Variants in CDH4 observed in about 807,000 individuals in gnomAD.
The protein encoded by CDH4 is cadherin-4.
In CDH4, 33 loss-of-function variants were observed where a neutral mutation model predicts 86.0. That is an observed-to-expected ratio of 0.38 (90% confidence interval 0.29 to 0.51). CDH4 has a LOEUF of 0.51. CDH4 is among the 20% of genes least tolerant of loss of function. The probability of loss-of-function intolerance (pLI) is 0.86; values close to 1 mark genes in which losing one functional copy is unlikely to be tolerated. For synonymous variants in CDH4, 555 were observed against 549.4 expected, an observed-to-expected ratio of 1.01 and a Z score of -0.14; for missense variants, 1,114 against 1,307.4, an observed-to-expected ratio of 0.85 and a Z score of 2.28.
chr20:61,820,426 C>T (rs1463433443), intron 4 of CDH4, among the ~76,000 whole-genome samples: 1 of 152,232 alleles, frequency 6.6e-6, no homozygotes, highest in Admixed American at 6.5e-5. Context: ...CACCTCAAGG[C>T]CTTCACATTC....
chr20:61,354,293 C>T (rs946054742), intron 2 of CDH4, among the ~76,000 whole-genome samples: 1 of 152,168 alleles, frequency 6.6e-6, no homozygotes, highest in Non-Finnish European at 1.5e-5. Flanking sequence ...GACAGTCCTC[C>T]TGGATCCCCC....
chr20:61,337,087 T>A (rs1743559335), intron 2 of CDH4, among the ~76,000 whole-genome samples: 1 of 152,002 alleles, frequency 6.6e-6, no homozygotes, highest in East Asian at 2.0e-4. Context: ...TTCTTAGCTG[T>A]GATGTTCCTG....
At chr20:61,266,126 G>A (rs142020991) in intron 2 of CDH4, among the ~76,000 whole-genome samples, 198 of 152,240 alleles carry the variant, frequency 1.3e-3, no homozygotes, top group African/African-American at 4.5e-3. Context: ...CCAGAGTGCC[G>A]CCCGCACCTT....
chr20:61,438,848 T>C (rs6062001), intron 2 of CDH4, among the ~76,000 whole-genome samples: 25,884 of 151,604 alleles, frequency 0.17, 2,299 homozygotes, highest in African/African-American at 0.18. Context: ...TCAATAAGAT[T>C]CCCAAAATCA....
At chr20:61,564,048 G>A (rs1229656633) in intron 2 of CDH4, among the ~76,000 whole-genome samples, 2 of 151,892 alleles carry the variant, frequency 1.3e-5, no homozygotes, top group Admixed American at 6.6e-5. Flanking sequence ...CCTCTCTGTC[G>A]TCACTGCCCT....
At chr20:61,739,466 A>G (rs73152121) in intron 2 of CDH4, among the ~76,000 whole-genome samples, 6,594 of 152,318 alleles carry the variant, frequency 0.043, 242 homozygotes, top group Non-Finnish European at 0.068. Context: ...GTACGAAGCC[A>G]GGGAATGAAA....
At chr20:61,503,142 G>A (rs2085716613) in intron 2 of CDH4, among the ~76,000 whole-genome samples, 1 of 152,216 alleles carries the variant, frequency 6.6e-6, no homozygotes, top group South Asian at 2.1e-4. Flanking sequence ...GGGTTGGGCT[G>A]CAAATGTCCT....
At chr20:61,489,360 G>A (rs1392048977) in intron 2 of CDH4, among the ~76,000 whole-genome samples, 1 of 151,860 alleles carries the variant, frequency 6.6e-6, no homozygotes, top group African/African-American at 2.4e-5. Context: ...GCCATTACTT[G>A]GGTCAGCATT....
chr20:61,333,372 A>C (rs2084595923), intron 2 of CDH4, among the ~76,000 whole-genome samples: 1 of 152,210 alleles, frequency 6.6e-6, no homozygotes. Context: ...ACCTCAATTC[A>C]GACATTGCAG....
Position 61,778,839 on chromosome 20 carries a change from G to A in CDH4, c.576+5657G>A, listed in dbSNP as rs979851727. ...GGAGCAGCATTTAAAAGGTTAGCAG[G>A]ACGCCCTCCCTGGTCCAGAATTCTG... On this transcript the variant is annotated intron_variant, in intron 4 of 15. Transcript: ENST00000614565. 2.6e-5 allele frequency among the ~76,000 whole-genome samples: 4 copies of A among 152,200 alleles called. 1 individual carries two copies. Among genetic ancestry groups the A allele is most frequent in the Admixed American group, 2.6e-4 (4 of 15,284 alleles).
intron 2 of CDH4, among the ~76,000 whole-genome samples, chr20:61,690,643 G>T (rs200678945): frequency 6.6e-6 from 1 of 152,078 alleles, no homozygotes; most frequent in Admixed American, 6.5e-5. Context: ...TTGGAGGACG[G>T]GGGGAGTTTC....
At position 61,940,543 on chromosome 20, in the gene CDH4, C is replaced by A. The variant is rs2055252215; in HGVS notation, c.*3600C>A. 6.6e-6 allele frequency: 1 copy of A among 152,130 alleles called. No individual in the cohort carries two copies. Among genetic ancestry groups the A allele is most frequent in the African/African-American group, 2.4e-5 (1 of 41,406 alleles). 9.4% of individuals were successfully genotyped at this position (152,130 alleles called of 1,614,324 possible). A position where few individuals can be genotyped will look rare whatever the true frequency, so the allele number is the denominator to read the frequency against. On this transcript the variant is annotated 3_prime_UTR_variant, in exon 16 of 16. Transcript: ENST00000614565. Reference sequence around the variant, plus strand: ...CAGTCTTGGTCCTGAACTCAGTAGACCCTTGCGGAGCGGTTGTGCGCGGGC... The same window carrying A: ...CAGTCTTGGTCCTGAACTCAGTAGAACCTTGCGGAGCGGTTGTGCGCGGGC...
intron 2 of CDH4, among the ~76,000 whole-genome samples, chr20:61,414,827 C>A (rs2085138035): frequency 6.6e-6 from 1 of 152,208 alleles, no homozygotes; most frequent in African/African-American, 2.4e-5. Flanking sequence ...GCAGAGCCAG[C>A]CTGCCTCCTC....
In CDH4 at chr20:61,852,802, A is replaced by G. The variant is rs756527023; in HGVS notation, c.781A>G (p.Ile261Val). 1 of 1,614,064 alleles carries G rather than the reference A, an allele frequency of 6.2e-7. No homozygotes were observed. Among genetic ancestry groups the G allele is most frequent in the Non-Finnish European group, 8.5e-7 (1 of 1,179,960 alleles). The change falls in exon 6 of 16, where the codon ATC (isoleucine) becomes GTC (valine). Residue 261 changes from isoleucine (I) to valine (V), a missense_variant. By Grantham distance (29) the Ile-to-Val change is conservative (BLOSUM62 3). Transcript: ENST00000614565. ...DMNGNKVENPIDLYIYVIDMN... is the reference protein window; with the variant it reads ...DMNGNKVENPVDLYIYVIDMN... The stretch of plus-strand genomic sequence containing the variant: ...GAATGGCAACAAGGTGGAGAACCCC[A>G]TCGACCTGTACATCTACGTCATCGA...
chr20:61,699,787 TGACCCGGGGCTTTCACC>T (rs1568763482), intron 2 of CDH4, among the ~76,000 whole-genome samples: 2 of 136,586 alleles, frequency 1.5e-5, no homozygotes, highest in African/African-American at 7.1e-5. Flanking sequence ...CTTTCACCGC[TGACCCGGGGCTTTCACC>T]GCTGACCCGG....
rs539602046 is a variant in CDH4, at chr20:61,291,057, C to G, written c.169+36120C>G. Reference sequence around the variant, plus strand: ...GTGGGGCATCTGTGTGTCCCCCAACCCCTGTCTCACACTCAGCTCTGTCTT... The same window carrying G: ...GTGGGGCATCTGTGTGTCCCCCAACGCCTGTCTCACACTCAGCTCTGTCTT... On this transcript the variant is annotated intron_variant, in intron 2 of 15. Transcript: ENST00000614565. Among the ~76,000 whole-genome samples, 386 of 152,216 alleles carry G rather than the reference C, an allele frequency of 2.5e-3. 4 individuals carry two copies. Among genetic ancestry groups the G allele is most frequent in the African/African-American group, 7.7e-3 (319 of 41,524 alleles).
At chr20:61,526,491 TTC>T (rs1181721031) in intron 2 of CDH4, among the ~76,000 whole-genome samples, 2 of 151,968 alleles carry the variant, frequency 1.3e-5, no homozygotes, top group South Asian at 2.1e-4. Flanking sequence ...TTTTTTTTCT[TTC>T]TTTTTTTTTA....
At chr20:61,488,263 C>T (rs1337387517) in intron 2 of CDH4, among the ~76,000 whole-genome samples, 1 of 152,196 alleles carries the variant, frequency 6.6e-6, no homozygotes, top group Non-Finnish European at 1.5e-5. Flanking sequence ...AAGCACAGGG[C>T]AGGGTGAGGT....
intron 2 of CDH4, among the ~76,000 whole-genome samples, chr20:61,398,573 T>C (rs1311802802): frequency 6.6e-6 from 1 of 152,122 alleles, no homozygotes; most frequent in Non-Finnish European, 1.5e-5. Context: ...CCGGCGAAAT[T>C]CCCTCCTCTT....
Sources: gnomAD v4.1 joint callset for allele counts (sites outside exome capture counted in the v4.1 genomes callset) on GRCh38, gnomAD v4.1.1 for gene constraint, MANE v1.5 for transcripts, NCBI Gene and HGNC (gene_info 2026-07-23, HGNC 2026-07-21) for gene names.